Variants in ZNF837 observed in about 807,000 individuals in gnomAD.
ZNF837 encodes the protein zinc finger protein 837.
For synonymous variants in ZNF837, 475 were observed against 365.2 expected (o/e 1.30, Z -3.43); for missense variants, 955 against 801.7 (o/e 1.19, Z -2.31).
chr19:58,369,109 C>A lies in ZNF837; in HGVS notation c.224G>T (p.Gly75Val). ...CCCGGCGCTGTGCCGGGTCCCCGGG[C>A]CGGGGCTCACCCCGAGGCTGCAGCC... The part of the protein sequence containing the change: ...SRGCSLGVSP[G>V]PGTRHSAGTR... Residue 75 changes from glycine to valine, a missense_variant, in exon 3 of 3, where the codon GGC becomes GTC. Coordinates refer to ENST00000597582, the MANE Select transcript of ZNF837 (RefSeq NM_138466.2). 1 of 1,500,328 alleles carries A rather than the reference C, an allele frequency of 6.7e-7. No homozygotes were observed. Among genetic ancestry groups the A allele is most frequent in the Non-Finnish European group, 8.9e-7 (1 of 1,125,482 alleles). The allele number at this position is 1,500,328 out of a possible 1,614,324, so 92.9% of individuals were successfully genotyped here.
chr19:58,379,417 C>T (rs1240658682), intron 1 of ZNF837, among the ~76,000 whole-genome samples: 2 of 152,202 alleles, frequency 1.3e-5, no homozygotes, highest in African/African-American at 4.8e-5. Context: ...CCTTGATCTG[C>T]TCCCAGGATG....
At chr19:58,373,676 T>TG (rs1398416809) in intron 1 of ZNF837, among the ~76,000 whole-genome samples, 1 of 152,134 alleles carries the variant, frequency 6.6e-6, no homozygotes, top group Non-Finnish European at 1.5e-5. Flanking sequence ...TATGGGCACA[T>TG]GGGGAGGCAA....
chr19:58,380,112 T>A (rs2052278026), intron 1 of ZNF837, among the ~76,000 whole-genome samples: 1 of 152,198 alleles, frequency 6.6e-6, no homozygotes, highest in Admixed American at 6.5e-5. Context: ...TCCACCTCTC[T>A]GAGCCACAGA....
chr19:58,377,999 A>G (rs2052263339), intron 1 of ZNF837, among the ~76,000 whole-genome samples: 1 of 152,152 alleles, frequency 6.6e-6, no homozygotes, highest in African/African-American at 2.4e-5. Flanking sequence ...CACTCTCTCA[A>G]GCCTCTGTCT....
At chr19:58,379,334 GCAA>G (rs1475172029) in intron 1 of ZNF837, among the ~76,000 whole-genome samples, 1 of 152,182 alleles carries the variant, frequency 6.6e-6, no homozygotes, top group African/African-American at 2.4e-5. Context: ...CTCCTCTGCT[GCAA>G]CAAGAACCTG....
At position 58,367,886 on chromosome 19, in the gene ZNF837, C is replaced by A; in HGVS notation, c.1447G>T (p.Ala483Ser). The change falls in exon 3 of 3, where the codon GCC becomes TCC. Residue 483 changes from alanine (A) to serine (S), a missense_variant. By Grantham distance (99) the Ala-to-Ser change is moderately conservative (BLOSUM62 1). Coordinates refer to ENST00000597582, the MANE Select transcript of ZNF837 (RefSeq NM_138466.2). ...ACCAGGCTGCAGTTGCGCACGAAGGCCTTGCCGCAGTCGCGGCAGATGTAG... is the reference window on the plus strand; with the variant it reads ...ACCAGGCTGCAGTTGCGCACGAAGGACTTGCCGCAGTCGCGGCAGATGTAG... ...KPYICRDCGK[A>S]FVRNCSLVRH... 2 of 1,535,600 alleles carry A rather than the reference C, an allele frequency of 1.3e-6. No individual in the cohort carries two copies. The highest frequency in any genetic ancestry group is 1.7e-6 in the Non-Finnish European group (2 of 1,144,284).
At chr19:58,373,893 G>A (rs10853904) in intron 1 of ZNF837, among the ~76,000 whole-genome samples, 15,385 of 152,190 alleles carry the variant, frequency 0.1, 997 homozygotes, top group East Asian at 0.34. Flanking sequence ...GAGCTGGAGG[G>A]GGCGGGACAA....
rs2052151590 is a variant in ZNF837, at chr19:58,367,927, T to A, written c.1406A>T (p.His469Leu). ...CSELRQHERL[H>L]SGEKPYICRD... Reference sequence around the variant, plus strand: ...GCAGATGTAGGGCTTCTCGCCCGAGTGCAGGCGCTCGTGCTGGCGCAGCTC... The same window carrying A: ...GCAGATGTAGGGCTTCTCGCCCGAGAGCAGGCGCTCGTGCTGGCGCAGCTC... Residue 469 changes from histidine (H) to leucine (L), a missense_variant, in exon 3 of 3, where the codon CAC becomes CTC. Coordinates refer to ENST00000597582, the MANE Select transcript of ZNF837 (RefSeq NM_138466.2). 2 of 1,534,180 alleles carry A rather than the reference T, an allele frequency of 1.3e-6. No homozygotes were observed. Among genetic ancestry groups the A allele is most frequent in the Admixed American group, 2.0e-5 (1 of 50,594 alleles).
intron 1 of ZNF837, among the ~76,000 whole-genome samples, chr19:58,376,554 C>CAAAAAAAA (rs59075587): frequency 2.1e-4 from 14 of 67,796 alleles, no homozygotes; most frequent in African/African-American, 3.2e-4. Context: ...GACTCTGTCT[C>CAAAAAAAA]AAAAAAAAAA....
Position 58,368,846 on chromosome 19 carries a change from C to A in ZNF837, c.487G>T (p.Val163Phe). Reference sequence around the variant, plus strand: ...TGGCACGGCCAACAGTCCGTGTGGACCTCACACAGTTGAGTCCGGGGGTGG... The same window carrying A: ...TGGCACGGCCAACAGTCCGTGTGGAACTCACACAGTTGAGTCCGGGGGTGG... ...QNHPRTQLCE[V>F]HTDCWPCQPG... The change falls in exon 3 of 3, where the codon GTC becomes TTC. Residue 163 changes from valine to phenylalanine, a missense_variant. Transcript: ENST00000597582. The A allele has an allele frequency of 6.5e-7, 1 of 1,547,376 alleles. No homozygotes were observed. Among genetic ancestry groups the A allele is most frequent in the Non-Finnish European group, 8.7e-7 (1 of 1,146,686 alleles).
At position 58,368,401 on chromosome 19, in the gene ZNF837, C is replaced by T; in HGVS notation, c.932G>A (p.Cys311Tyr). Residue 311 changes from cysteine (C) to tyrosine (Y), a missense_variant, in exon 3 of 3, where the codon TGC (cysteine) becomes TAC (tyrosine). Cys to Tyr is a radical substitution (Grantham distance 194). Transcript: ENST00000597582. ...CTTCTGGTGGCGGTACAGGCCGGAGCAGCGCACGAAGGCCTTGCCGCACTC... is the reference window on the plus strand; with the variant it reads ...CTTCTGGTGGCGGTACAGGCCGGAGTAGCGCACGAAGGCCTTGCCGCACTC... ...CAECGKAFVR[C>Y]SGLYRHQKTH... 2 of 1,540,692 alleles carry T rather than the reference C, an allele frequency of 1.3e-6. No homozygotes were observed. The highest frequency in any genetic ancestry group is 1.7e-6 in the Non-Finnish European group (2 of 1,145,836).
At position 58,369,319 on chromosome 19, in the gene ZNF837, G is replaced by A. The variant is rs2052179113; in HGVS notation, c.14C>T (p.Ala5Val). Residue 5 changes from alanine (A) to valine (V), a missense_variant, in exon 3 of 3, where the codon GCC becomes GTC. Transcript: ENST00000597582. ...GAGTCCTCCCTGCCCAGCCTTCTGGGCTGGAGCCTCCATCCTGGGGCGCAG... is the reference window on the plus strand; with the variant it reads ...GAGTCCTCCCTGCCCAGCCTTCTGGACTGGAGCCTCCATCCTGGGGCGCAG... MEAP[A>V]QKAGQGGLPK... is the part of the protein sequence containing the mutation. The A allele has an allele frequency of 7.3e-7, 1 of 1,367,852 alleles. No individual in the cohort carries two copies. Among genetic ancestry groups the A allele is most frequent in the Non-Finnish European group, 9.4e-7 (1 of 1,065,838 alleles). 84.7% of individuals were successfully genotyped at this position (1,367,852 alleles called of 1,614,324 possible).
chr19:58,373,887 T>G (rs1168975882), intron 1 of ZNF837, among the ~76,000 whole-genome samples: 2 of 152,152 alleles, frequency 1.3e-5, no homozygotes, highest in East Asian at 3.9e-4. Flanking sequence ...GTAAATGAGC[T>G]GGAGGGGGCG....
intron 1 of ZNF837, among the ~76,000 whole-genome samples, chr19:58,378,662 T>C (rs1022707346): frequency 6.6e-6 from 1 of 152,222 alleles, no homozygotes; most frequent in Non-Finnish European, 1.5e-5. Flanking sequence ...GCAAAAGATA[T>C]ATCCAATGTC....
Position 58,368,550 on chromosome 19 carries a change from A to T in ZNF837, c.783T>A (p.Ile261=). The change falls in exon 3 of 3, where the codon ATT becomes ATA. Residue 261 remains isoleucine, a synonymous_variant. Coordinates refer to ENST00000597582, the MANE Select transcript of ZNF837 (RefSeq NM_138466.2). ...GTCGCTGGGCCGGGGGGTCGGGGAC[A>T]ATAGGGCGAGGTCGCGAGGTTTGGC... ...ECGQTSRPRP[I]VPDPPAQRLY... is the part of the protein sequence containing the mutation. 6.5e-7 allele frequency: 1 copy of T among 1,539,088 alleles called. No homozygotes were observed. Among genetic ancestry groups the T allele is most frequent in the Non-Finnish European group, 8.7e-7 (1 of 1,144,250 alleles).
In ZNF837 at chr19:58,368,332, C is replaced by A; in HGVS notation, c.1001G>T (p.Arg334Leu). ...ERHRRGPVLA[R>L]RAFRLGCPPC... ...CGGGCACCCCAGCCGGAAGGCGCGC[C>A]GCGCCAGGACGGGGCCACGCCGGTG... Residue 334 changes from arginine to leucine, a missense_variant, in exon 3 of 3, where the codon CGG becomes CTG. Transcript: ENST00000597582. 2 of 1,505,970 alleles carry A rather than the reference C, an allele frequency of 1.3e-6. No individual in the cohort carries two copies. Among genetic ancestry groups the A allele is most frequent in the South Asian group, 1.3e-5 (1 of 79,476 alleles). 93.3% of individuals were successfully genotyped at this position (1,505,970 alleles called of 1,614,324 possible). A position where few individuals can be genotyped will look rare whatever the true frequency, so the allele number is the denominator to read the frequency against.
chr19:58,376,554 CAAAAAA>C (rs59075587), intron 1 of ZNF837, among the ~76,000 whole-genome samples: 7 of 67,796 alleles, frequency 1.0e-4, no homozygotes, highest in African/African-American at 1.9e-4. Flanking sequence ...GACTCTGTCT[CAAAAAA>C]AAAAAAAAAA....
intron 1 of ZNF837, 85 bp downstream of exon 1, chr19:58,380,856 G>A (rs905843514): frequency 1.3e-5 from 2 of 152,292 alleles, no homozygotes; most frequent in African/African-American, 2.4e-5. Context: ...AGGTGGAGAG[G>A]GGACTGGGGT....
chr19:58,380,543 C>CAAGGAAA (rs2122141017), intron 1 of ZNF837, among the ~76,000 whole-genome samples: 1 of 152,214 alleles, frequency 6.6e-6, no homozygotes, highest in East Asian at 1.9e-4. Context: ...GGTCTGCAGA[C>CAAGGAAA]AAGGAAAGAG....
Sources: gnomAD v4.1 joint callset for allele counts (sites outside exome capture counted in the v4.1 genomes callset) on GRCh38, gnomAD v4.1.1 for gene constraint, MANE v1.5 for transcripts, NCBI Gene and HGNC (gene_info 2026-07-23, HGNC 2026-07-21) for gene names.